The following ANKRD11 variants were observed in gnomAD, a reference collection of about 807,000 sequenced individuals.
ANKRD11 encodes the protein ankyrin repeat domain 11.
ANKRD11 carries 17 observed loss-of-function variants against 195.7 expected under a neutral mutation model. The ratio of observed to expected loss-of-function variants is 0.09; its 90% CI spans 0.06 to 0.13. The LOEUF (loss-of-function observed/expected upper bound fraction) is 0.13, where lower values mean the gene tolerates loss of function less well. Ranked by LOEUF, ANKRD11 falls within the 10% of genes least tolerant of loss-of-function variation. The pLI, the probability that ANKRD11 is intolerant of heterozygous loss-of-function variation, is 1.00. For synonymous variants in ANKRD11, 1,953 were observed against 1,528.1 expected, an observed-to-expected ratio of 1.28 and a Z score of -6.49; for missense variants, 3,735 against 3,566.1, an observed-to-expected ratio of 1.05 and a Z score of -1.21.
chr16:89,317,207 G>A (rs1038692272), intron 2 of ANKRD11, 129 bp from the exon 3 acceptor site: 24 of 726,982 alleles, frequency 3.3e-5, no homozygotes, highest in Middle Eastern at 2.3e-4. Flanking sequence ...GCTGGGGCCC[G>A]GGCCAGGCCC....
chr16:89,467,554 C>T (rs1332625509), intron 1 of ANKRD11, among the ~76,000 whole-genome samples: 2 of 152,122 alleles, frequency 1.3e-5, no homozygotes, highest in East Asian at 1.9e-4. Flanking sequence ...TTTGTAGAGA[C>T]GGGGTCTTGC....
intron 1 of ANKRD11, among the ~76,000 whole-genome samples, chr16:89,476,471 A>G (rs984604822): frequency 6.6e-6 from 1 of 152,218 alleles, no homozygotes; most frequent in Non-Finnish European, 1.5e-5. Context: ...GAATAAATAC[A>G]AACCAAAACC....
chr16:89,353,459 G>A (rs1014591644), intron 2 of ANKRD11, among the ~76,000 whole-genome samples: 3 of 152,128 alleles, frequency 2.0e-5, no homozygotes, highest in African/African-American at 7.2e-5. Flanking sequence ...ACCAGTCCAA[G>A]GCAACTACAA....
Position 89,281,698 on chromosome 16 carries a change from G to C in ANKRD11, c.4844C>G (p.Ser1615Cys), listed in dbSNP as rs753541030. ...CTTCTCCTTGAGCTTGGGGTCTCCG[G>C]ACCGGTGCCTCAGCTTCTCCATTTG... The part of the protein sequence containing the change: ...MKQMEKLRHR[S>C]GDPKLKEKAK... Residue 1615 changes from serine to cysteine, a missense_variant, in exon 9 of 13, where the codon TCC becomes TGC. Coordinates refer to ENST00000301030, the MANE Select transcript of ANKRD11 (RefSeq NM_013275.6). The surrounding 1 kb of genome is among the most constrained non-coding windows in gnomAD (Gnocchi z 5.5). The C allele has an allele frequency of 6.2e-7, 1 of 1,614,112 alleles. No individual in the cohort carries two copies. Among genetic ancestry groups the C allele is most frequent in the East Asian group, 2.2e-5 (1 of 44,876 alleles).
At chr16:89,447,390 A>C (rs149071974) in intron 1 of ANKRD11, among the ~76,000 whole-genome samples, 1 of 152,258 alleles carries the variant, frequency 6.6e-6, no homozygotes, top group Admixed American at 6.5e-5. Flanking sequence ...CTGAGGTGCC[A>C]AAGAAACATC....
intron 1 of ANKRD11, among the ~76,000 whole-genome samples, chr16:89,444,673 T>C (rs938438212): frequency 4.6e-5 from 7 of 152,132 alleles, no homozygotes; most frequent in Admixed American, 6.5e-5. Flanking sequence ...ACTCCAGGCA[T>C]AGTGGCTCAC....
chr16:89,485,817 C>T (rs2057593610), intron 1 of ANKRD11, among the ~76,000 whole-genome samples: 1 of 152,170 alleles, frequency 6.6e-6, no homozygotes, highest in Non-Finnish European at 1.5e-5. Flanking sequence ...CATATCACTC[C>T]ACCTGCTCAG....
In ANKRD11 at chr16:89,281,336, C is replaced by T; in HGVS notation, c.5206G>A (p.Val1736Met). 1 of 1,613,416 alleles carries T rather than the reference C, an allele frequency of 6.2e-7. No homozygotes were observed. The highest frequency in any genetic ancestry group is 1.1e-5 in the South Asian group (1 of 91,022). Residue 1736 changes from valine to methionine, a missense_variant, in exon 9 of 13, where the codon GTG (valine) becomes ATG (methionine). By Grantham distance (21) the Val-to-Met change is conservative (BLOSUM62 1). Coordinates refer to ENST00000301030, the MANE Select transcript of ANKRD11 (RefSeq NM_013275.6). This position sits in a 1 kb window ranked among gnomAD's most constrained non-coding sequence, Gnocchi z 5.5. ...TGCTGCGAGTCGGCGCAGTCGAACA[C>T]GAGGTCCGCGTAGTCATCGGCGCTG... Reference protein sequence around the residue: ...SCSADDYADLVFDCADSQHST... With the variant: ...SCSADDYADLMFDCADSQHST...
chr16:89,485,701 C>A (rs902114064), intron 1 of ANKRD11, among the ~76,000 whole-genome samples: 2 of 152,144 alleles, frequency 1.3e-5, no homozygotes, highest in Non-Finnish European at 2.9e-5. Flanking sequence ...TACAAAGAAA[C>A]TTTGAAAACC....
rs140954287 is a variant in ANKRD11, at chr16:89,399,631, C to T, written c.-60+18653G>A. Among the ~76,000 whole-genome samples the T allele has an allele frequency of 8.8e-3, 1,345 of 152,244 alleles. 30 individuals carry two copies. The highest frequency in any genetic ancestry group is 0.03 in the African/African-American group (1,265 of 41,514). ...ATCCAACCATAGACTGCACAGCACC[C>T]GGTGGACCCTGAGGTCGTGCGGCCT... On this transcript the variant is annotated intron_variant, in intron 2 of 12. Coordinates refer to ENST00000301030, the MANE Select transcript of ANKRD11 (RefSeq NM_013275.6).
intron 2 of ANKRD11, among the ~76,000 whole-genome samples, chr16:89,390,885 C>T (rs1461060311): frequency 2.0e-5 from 3 of 152,210 alleles, no homozygotes; most frequent in African/African-American, 7.2e-5. Flanking sequence ...TTCCACGACA[C>T]TGGTGAACAT....
At chr16:89,387,631 C>G (rs1034993653) in intron 2 of ANKRD11, among the ~76,000 whole-genome samples, 5 of 148,594 alleles carry the variant, frequency 3.4e-5, no homozygotes, top group African/African-American at 7.5e-5. Context: ...CGAGACTGCA[C>G]CACTGCACTC....
chr16:89,470,652 T>C (rs1196602856), intron 1 of ANKRD11, among the ~76,000 whole-genome samples: 2 of 152,026 alleles, frequency 1.3e-5, no homozygotes, highest in African/African-American at 4.8e-5. Context: ...GAGACCATCC[T>C]GGCTAACATG....
At chr16:89,347,323 C>T (rs912881327) in intron 2 of ANKRD11, among the ~76,000 whole-genome samples, 5 of 152,098 alleles carry the variant, frequency 3.3e-5, no homozygotes, top group African/African-American at 7.2e-5. Flanking sequence ...AAAAGAGTTC[C>T]GTTCGGCCGG....
intron 1 of ANKRD11, among the ~76,000 whole-genome samples, chr16:89,438,393 C>T (rs1314109753): frequency 6.6e-6 from 1 of 151,778 alleles, no homozygotes; most frequent in African/African-American, 2.4e-5. Flanking sequence ...GATCTCAGCT[C>T]ACTGCAGCCT....
intron 1 of ANKRD11, among the ~76,000 whole-genome samples, chr16:89,450,874 A>G (rs1253821302): frequency 1.3e-5 from 2 of 152,174 alleles, no homozygotes; most frequent in Non-Finnish European, 2.9e-5. Context: ...CAGCCATGAA[A>G]ATGACTAATG....
In ANKRD11 at chr16:89,280,414, G is replaced by GCGTCCACTCCGTCCTTGACGT; in HGVS notation, c.6107_6127dup (p.Asp2036_Asp2042dup). The GCGTCCACTCCGTCCTTGACGT allele has an allele frequency of 1.3e-6, 2 of 1,565,280 alleles. 1 individual carries two copies. Among genetic ancestry groups the GCGTCCACTCCGTCCTTGACGT allele is most frequent in the East Asian group, 4.5e-5 (2 of 44,130 alleles). Reference sequence around the variant, plus strand: ...TGAGGTGGAGATGGCGGCGGGGACGGCGTCCACTCCGTCCTTGACGTCCTC... The same window carrying GCGTCCACTCCGTCCTTGACGT: ...TGAGGTGGAGATGGCGGCGGGGACGGCGTCCACTCCGTCCTTGACGTCGTCCACTCCGTCCTTGACGTCCTC... On this transcript the variant is annotated inframe_insertion, in exon 9 of 13. Coordinates refer to ENST00000301030, the MANE Select transcript of ANKRD11 (RefSeq NM_013275.6).
chr16:89,432,946 CT>C (rs2043050088), intron 1 of ANKRD11, among the ~76,000 whole-genome samples: 1 of 16,046 alleles, frequency 6.2e-5, no homozygotes, highest in Non-Finnish European at 1.6e-4. Context: ...GAGACCCTAT[CT>C]CTCTCTCTCT....
At chr16:89,320,735 A>G (rs901928296) in intron 2 of ANKRD11, among the ~76,000 whole-genome samples, 5 of 152,238 alleles carry the variant, frequency 3.3e-5, no homozygotes, top group African/African-American at 4.8e-5. Flanking sequence ...CTGTGCCAAA[A>G]TAAGACACAA....
Sources: gnomAD v4.1 joint callset for allele counts (sites outside exome capture counted in the v4.1 genomes callset) on GRCh38, gnomAD v4.1.1 for gene constraint, Gnocchi (gnomAD v3.1) non-coding constraint, MANE v1.5 for transcripts, NCBI Gene and HGNC (gene_info 2026-07-23, HGNC 2026-07-21) for gene names.